Variants in DNAH7 observed in about 807,000 individuals in gnomAD.
DNAH7 encodes the protein axonemal beta dynein heavy chain 7.
DNAH7 carries 397 observed loss-of-function variants against 444.6 expected under a neutral mutation model. The observed-to-expected ratio is 0.89, with a 90% CI of 0.82 to 0.97. DNAH7 has a LOEUF of 0.97. Ranked by LOEUF, DNAH7 falls within the 50% of genes least tolerant of loss-of-function variation. The pLI is 0.00. For missense variants in DNAH7, 4,902 were observed against 4,800.8 expected (o/e 1.02, Z -0.62); for synonymous variants, 1,636 against 1,624.4 (o/e 1.01, Z -0.17).
chr2:195,967,862 C>T (rs1691585261), intron 17 of DNAH7, among the ~76,000 whole-genome samples: 1 of 152,184 alleles, frequency 6.6e-6, no homozygotes, highest in Admixed American at 6.5e-5. Context: ...TAACCTTGTA[C>T]TTGAATATTG....
intron 47 of DNAH7, among the ~76,000 whole-genome samples, chr2:195,839,619 C>T (rs1411898893): frequency 1.3e-5 from 2 of 151,630 alleles, no homozygotes; most frequent in Non-Finnish European, 3.0e-5. Flanking sequence ...AAACTCTAGC[C>T]AGATTGACCA....
At chr2:195,844,787 A>G (rs1698885946) in intron 47 of DNAH7, among the ~76,000 whole-genome samples, 1 of 152,224 alleles carries the variant, frequency 6.6e-6, no homozygotes, top group African/African-American at 2.4e-5. Flanking sequence ...AAAATTAAGT[A>G]CAAGTCATCT....
Position 195,957,292 on chromosome 2 carries a change from G to A in DNAH7, c.3047C>T (p.Thr1016Ile), listed in dbSNP as rs1690736045. ...EGRRFTAVDK[T>I]WRDIMRSVMQ... ...GACACTTCTCATTATATCTCTCCAT[G>A]TCTTATCCACAGCTGTAAATCGTCT... The change falls in exon 19 of 65, where the codon ACA becomes ATA. Residue 1016 changes from threonine to isoleucine, a missense_variant. Transcript: ENST00000312428. 3.8e-6 allele frequency: 6 copies of A among 1,594,786 alleles called. No individual in the cohort carries two copies. The highest frequency in any genetic ancestry group is 3.4e-5 in the South Asian group (3 of 89,126).
intron 21 of DNAH7, among the ~76,000 whole-genome samples, chr2:195,928,264 T>C (rs1247814176): frequency 6.6e-6 from 1 of 152,202 alleles, no homozygotes; most frequent in Non-Finnish European, 1.5e-5. Flanking sequence ...CCATTCTTTT[T>C]CATGCCTGCA....
chr2:195,918,842 C>T (rs929320696), intron 24 of DNAH7, among the ~76,000 whole-genome samples: 1 of 152,092 alleles, frequency 6.6e-6, no homozygotes, highest in Non-Finnish European at 1.5e-5. Context: ...TTTGTCAAAA[C>T]CCACAGAACT....
In DNAH7 at chr2:195,777,970, C is replaced by T. The variant is rs115706041; in HGVS notation, c.10894G>A (p.Ala3632Thr). ...CATTCGCCAGTCATGTACCGCAGAGCCTCATACGGCAGTTCCTAAAATAGT... is the reference window on the plus strand; with the variant it reads ...CATTCGCCAGTCATGTACCGCAGAGTCTCATACGGCAGTTCCTAAAATAGT... ...LNQYEELPYE[A>T]LRYMTGECNY... The change falls in exon 59 of 65, where the codon GCT (alanine) becomes ACT (threonine). Residue 3632 changes from alanine (A) to threonine (T), a missense_variant. Transcript: ENST00000312428. The T allele has an allele frequency of 3.1e-4, 505 of 1,611,132 alleles. No homozygotes were observed. In the African/African-American group the frequency reaches 5.3e-3, roughly 17 times the overall value.
intron 4 of DNAH7, 120 bp from the exon 5 acceptor site, chr2:196,047,619 T>C: frequency 1.2e-6 from 1 of 845,864 alleles, no homozygotes. Flanking sequence ...TATCAAGTAA[T>C]CCTAAGTATA....
chr2:196,028,865 C>T (rs1695857293), intron 5 of DNAH7, among the ~76,000 whole-genome samples: 1 of 152,140 alleles, frequency 6.6e-6, no homozygotes, highest in Admixed American at 6.6e-5. Flanking sequence ...TCTGAGATAC[C>T]ATACCAAAGT....
intron 19 of DNAH7, among the ~76,000 whole-genome samples, chr2:195,942,196 G>C (rs954344645): frequency 2.0e-5 from 3 of 152,078 alleles, no homozygotes; most frequent in Non-Finnish European, 2.9e-5. Context: ...TAGGATGTTC[G>C]ATGTGAGCCT....
rs6741762 is a variant in DNAH7 at position 196,068,834 on chromosome 2, G to C, written c.-123C>G. The C allele has an allele frequency of 0.064, 81,077 of 1,272,778 alleles. 2,904 individuals carry two copies. The highest frequency in any genetic ancestry group is 0.12 in the African/African-American group (7,782 of 66,242). The allele number at this position is 1,272,778 out of a possible 1,614,324, so 78.8% of individuals were successfully genotyped here. On this transcript the variant is annotated 5_prime_UTR_variant, in exon 1 of 65. Coordinates refer to ENST00000312428, the MANE Select transcript of DNAH7 (RefSeq NM_018897.3). Reference sequence around the variant, plus strand: ...TCTCAGCTCCCTCCGCACCAGAGCCGTCTAGCGTCCGGGCAGCGTTTGTTG... The same window carrying C: ...TCTCAGCTCCCTCCGCACCAGAGCCCTCTAGCGTCCGGGCAGCGTTTGTTG...
chr2:195,864,212 T>C lies in DNAH7; in HGVS notation c.7443A>G (p.Ala2481=). Residue 2481 remains alanine (A), a synonymous_variant, in exon 41 of 65, where the codon GCA becomes GCG. Transcript: ENST00000312428. ...VVLAMSPIGD[A]FRNRLRKFPA... Reference sequence around the variant, plus strand: ...GGAACTTTCTAAGACGATTCCGAAATGCATCTCCAATGGGACTCATGGCAA... The same window carrying C: ...GGAACTTTCTAAGACGATTCCGAAACGCATCTCCAATGGGACTCATGGCAA... The C allele has an allele frequency of 6.2e-7, 1 of 1,614,144 alleles. No individual in the cohort carries two copies. The highest frequency in any genetic ancestry group is 1.1e-5 in the South Asian group (1 of 91,088).
At chr2:195,748,469 G>C (rs1693567643) in intron 63 of DNAH7, among the ~76,000 whole-genome samples, 1 of 152,078 alleles carries the variant, frequency 6.6e-6, no homozygotes, top group African/African-American at 2.4e-5. Flanking sequence ...TTTCTTCACA[G>C]AATTGGAAAA....
rs897919951 is a variant in DNAH7, at chr2:195,846,970, T to TGTGTGTGC, written c.8782-1806_8782-1805insGCACACAC. Among the ~76,000 whole-genome samples the TGTGTGTGC allele has an allele frequency of 3.2e-3, 482 of 151,214 alleles. 1 individual carries two copies. The highest frequency in any genetic ancestry group is 0.011 in the African/African-American group (467 of 41,100). On this transcript the variant is annotated intron_variant, in intron 46 of 64. Coordinates refer to ENST00000312428, the MANE Select transcript of DNAH7 (RefSeq NM_018897.3). ...ATATATGTGTGTGTGTGTGTGTGTG[T>TGTGTGTGC]GTGTGTGTGTGTATCCTATCAGTTC... is the stretch of plus-strand genomic sequence containing the variant.
At chr2:195,947,692 A>G (rs924225778) in intron 19 of DNAH7, among the ~76,000 whole-genome samples, 4 of 152,134 alleles carry the variant, frequency 2.6e-5, no homozygotes, top group African/African-American at 9.7e-5. Context: ...CCAGTCTATC[A>G]TTGATGGACA....
At chr2:195,911,011 C>T (rs1445677801) in intron 24 of DNAH7, among the ~76,000 whole-genome samples, 1 of 152,110 alleles carries the variant, frequency 6.6e-6, no homozygotes, top group Non-Finnish European at 1.5e-5. Flanking sequence ...AAATATGAAA[C>T]TGCTCCTTAT....
chr2:196,003,607 T>C (rs1295238882), intron 10 of DNAH7, among the ~76,000 whole-genome samples: 1 of 152,200 alleles, frequency 6.6e-6, no homozygotes, highest in Non-Finnish European at 1.5e-5. Context: ...AAGGAAGATA[T>C]CACTTTTGAT....
intron 24 of DNAH7, among the ~76,000 whole-genome samples, chr2:195,915,891 G>A (rs966581231): frequency 2.0e-5 from 3 of 152,234 alleles, no homozygotes; most frequent in Admixed American, 2.0e-4. Flanking sequence ...GCTCTGAATT[G>A]AGGATCAGAT....
chr2:195,813,770 T>C (rs1262438278), intron 51 of DNAH7, among the ~76,000 whole-genome samples: 1 of 152,222 alleles, frequency 6.6e-6, no homozygotes, highest in African/African-American at 2.4e-5. Flanking sequence ...AATAAAACTA[T>C]TTTCTTTCTC....
chr2:195,964,401 CTA>C (rs1691320451), intron 17 of DNAH7, among the ~76,000 whole-genome samples: 1 of 151,956 alleles, frequency 6.6e-6, no homozygotes, highest in African/African-American at 2.4e-5. Context: ...TTATTTGAGA[CTA>C]TTGTAAATGG....
Sources: allele counts gnomAD v4.1 joint callset (sites outside exome capture counted in the v4.1 genomes callset), GRCh38; gene constraint gnomAD v4.1.1; transcripts MANE v1.5; gene names NCBI Gene and HGNC (gene_info 2026-07-23, HGNC 2026-07-21).